The following HIRA variants were observed in gnomAD, a reference collection of about 807,000 sequenced individuals.
The protein encoded by HIRA is protein HIRA.
HIRA carries 13 observed loss-of-function variants against 126.6 expected under a neutral mutation model. The observed-to-expected ratio is 0.10, with a 90% CI of 0.07 to 0.16. HIRA has a LOEUF of 0.16. Among genes scored for constraint, HIRA ranks in the 10% least tolerant of loss-of-function variants. The probability of loss-of-function intolerance (pLI) is 1.00; values close to 1 mark genes in which losing one functional copy is unlikely to be tolerated. For missense variants in HIRA, 834 were observed against 1,314.4 expected (o/e 0.63, Z 5.65); for synonymous variants, 511 against 520.0 (o/e 0.98, Z 0.24).
At position 19,351,284 on chromosome 22, in the gene HIRA, T is replaced by C; in HGVS notation, c.2937+74A>G. 1 of 1,557,870 alleles carries C rather than the reference T, an allele frequency of 6.4e-7. No homozygotes were observed. Among genetic ancestry groups the C allele is most frequent in the Admixed American group, 2.0e-5 (1 of 49,036 alleles). ...AACGGGACACAATTTCAAAGCACTT[T>C]GGCTTATTTAAAAAATCTCCACCTT... On this transcript the variant is annotated intron_variant, in intron 24 of 24. Transcript: ENST00000263208. This position sits in a 1 kb window ranked among gnomAD's most constrained non-coding sequence, Gnocchi z 4.8.
In HIRA at chr22:19,399,260, G is replaced by A. The variant is rs545576399; in HGVS notation, c.398-1173C>T. The stretch of plus-strand genomic sequence containing the variant: ...ATAGCAGCAAGGTAATAGCTATCAA[G>A]TCCTTTCTTTGTACAAGAGGTTTAA... On this transcript the variant is annotated intron_variant, in intron 5 of 24. Coordinates refer to ENST00000263208, the MANE Select transcript of HIRA (RefSeq NM_003325.4). The A allele has an allele frequency of 3.6e-5, 20 of 559,390 alleles. No homozygotes were observed. In the African/African-American group the frequency reaches 3.7e-4, roughly 10 times the overall value. 34.7% of individuals were successfully genotyped at this position (559,390 alleles called of 1,614,324 possible).
intron 24 of HIRA, among the ~76,000 whole-genome samples, chr22:19,341,023 C>A (rs540567466): frequency 6.6e-6 from 1 of 152,134 alleles, no homozygotes; most frequent in East Asian, 1.9e-4. Context: ...CTAAAATTCA[C>A]AAGAAACCAC....
intron 10 of HIRA, among the ~76,000 whole-genome samples, 180 bp from the exon 11 acceptor site, chr22:19,387,996 G>C (rs551608721): frequency 6.6e-6 from 1 of 152,068 alleles, no homozygotes; most frequent in East Asian, 1.9e-4. Flanking sequence ...GGCGACAATT[G>C]TATCCCAAAG....
chr22:19,427,148 C>T (rs1265478936), intron 1 of HIRA, among the ~76,000 whole-genome samples: 8 of 152,156 alleles, frequency 5.3e-5, no homozygotes, highest in Non-Finnish European at 5.9e-5. Context: ...AGTGGGCTGT[C>T]CTGCATGCTA....
intron 24 of HIRA, among the ~76,000 whole-genome samples, chr22:19,340,292 C>T (rs2088612317): frequency 6.6e-6 from 1 of 151,664 alleles, no homozygotes; most frequent in Admixed American, 6.6e-5. Context: ...TCAATAGATG[C>T]CGAAAAAGCA....
intron 15 of HIRA, among the ~76,000 whole-genome samples, chr22:19,365,143 T>G (rs1268162555): frequency 6.6e-6 from 1 of 152,158 alleles, no homozygotes; most frequent in Non-Finnish European, 1.5e-5. Context: ...CTAGCAGAGG[T>G]TGGCTCATGA....
intron 15 of HIRA, among the ~76,000 whole-genome samples, chr22:19,371,432 A>C (rs181117371): frequency 6.6e-6 from 1 of 152,178 alleles, no homozygotes; most frequent in East Asian, 1.9e-4. Context: ...TTCATTTCCA[A>C]ATCTGGTTTT....
At chr22:19,363,775 G>A (rs1569296383) in intron 15 of HIRA, among the ~76,000 whole-genome samples, 1 of 152,162 alleles carries the variant, frequency 6.6e-6, no homozygotes, top group African/African-American at 2.4e-5. Flanking sequence ...GCATACACAT[G>A]TAATCCCAGC....
At chr22:19,413,550 A>G (rs5748193) in intron 1 of HIRA, among the ~76,000 whole-genome samples, 23,189 of 152,020 alleles carry the variant, frequency 0.15, 3,892 homozygotes, top group African/African-American at 0.42. Context: ...AGGCCTTTCC[A>G]TCCCAAGGAA....
intron 24 of HIRA, among the ~76,000 whole-genome samples, chr22:19,339,576 G>A (rs932502812): frequency 1.3e-5 from 2 of 151,394 alleles, no homozygotes; most frequent in Non-Finnish European, 2.9e-5. Flanking sequence ...GGCAGAGGTT[G>A]TAGTGAGCCG....
intron 14 of HIRA, among the ~76,000 whole-genome samples, chr22:19,376,260 C>T (rs529662506): frequency 2.6e-5 from 4 of 152,336 alleles, no homozygotes; most frequent in African/African-American, 7.2e-5. Context: ...TGAGCGGCCC[C>T]TCCCATATCT....
At chr22:19,335,759 C>T (rs782709503) in intron 24 of HIRA, among the ~76,000 whole-genome samples, 3 of 152,114 alleles carry the variant, frequency 2.0e-5, no homozygotes, top group South Asian at 2.1e-4. Context: ...TAAATTACTC[C>T]GGCTTCATAA....
intron 1 of HIRA, among the ~76,000 whole-genome samples, chr22:19,417,247 C>A (rs1437384298): frequency 6.6e-6 from 1 of 151,930 alleles, no homozygotes; most frequent in Non-Finnish European, 1.5e-5. Flanking sequence ...AACCAACAAG[C>A]ACATGAAAAG....
At chr22:19,390,629 A>G (rs1162511301) in intron 9 of HIRA, among the ~76,000 whole-genome samples, 20 of 147,150 alleles carry the variant, frequency 1.4e-4, no homozygotes, top group African/African-American at 4.7e-4. Flanking sequence ...AAAAAAAAAG[A>G]AGCTGAAGAC....
chr22:19,406,185 T>C (rs1019935743), intron 4 of HIRA, among the ~76,000 whole-genome samples: 2 of 152,116 alleles, frequency 1.3e-5, no homozygotes, highest in Non-Finnish European at 2.9e-5. Context: ...CCACATGACA[T>C]GGATAGCATC....
chr22:19,348,796 TTTTA>T (rs1315711649), intron 24 of HIRA, among the ~76,000 whole-genome samples: 16 of 149,014 alleles, frequency 1.1e-4, no homozygotes, highest in Admixed American at 7.3e-4. Context: ...CGCTTGGCCT[TTTTA>T]TTTTTTATTT....
At chr22:19,353,666 G>T in intron 22 of HIRA, 147 bp from the exon 23 acceptor site, 1 of 847,144 alleles carries the variant, frequency 1.2e-6, no homozygotes, top group Non-Finnish European at 1.8e-6. Flanking sequence ...TCTGTTGGCA[G>T]ATGCCAGATC....
intron 10 of HIRA, among the ~76,000 whole-genome samples, chr22:19,388,212 A>G (rs2089145272): frequency 6.6e-6 from 1 of 152,258 alleles, no homozygotes; most frequent in South Asian, 2.1e-4. Context: ...AAAGTGGAAC[A>G]TACTAGGATC....
At chr22:19,380,636 A>C (rs5993620) in intron 13 of HIRA, among the ~76,000 whole-genome samples, 3,054 of 152,220 alleles carry the variant, frequency 0.02, 112 homozygotes, top group African/African-American at 0.069. Context: ...TATTTGATAC[A>C]AAGTCTCACT....
Sources: allele counts gnomAD v4.1 joint callset (sites outside exome capture counted in the v4.1 genomes callset), GRCh38; gene constraint gnomAD v4.1.1; non-coding constraint Gnocchi (gnomAD v3.1); transcripts MANE v1.5; gene names NCBI Gene and HGNC (gene_info 2026-07-23, HGNC 2026-07-21).